LRRC4C: variants seen among roughly 807,000 people sequenced by gnomAD.
LRRC4C encodes leucine rich repeat containing 4C.
In LRRC4C, 5 loss-of-function variants were observed where a neutral mutation model predicts 33.6. That is an observed-to-expected ratio of 0.15 (90% CI 0.08 to 0.31). The LOEUF is 0.31. LRRC4C is among the 10% of genes least tolerant of loss of function. LRRC4C has a pLI of 1.00. For synonymous variants in LRRC4C, 329 were observed against 302.0 expected, an observed-to-expected ratio of 1.09 and a Z score of -0.93; for missense variants, 560 against 796.7, an observed-to-expected ratio of 0.70 and a Z score of 3.58.
chr11:40,194,063 C>A lies in LRRC4C; in HGVS notation c.-96+47456G>T, dbSNP rs377122692. ...ATATTATCCAGGAGCACTTCCCCTA[C>A]CTAGCAAGACAGGCCAACATTCAAA... On this transcript the variant is annotated intron_variant, in intron 5 of 6. Transcript: ENST00000528697. Among the ~76,000 whole-genome samples, 116 of 152,238 alleles carry A rather than the reference C, an allele frequency of 7.6e-4. No individual in the cohort carries two copies. The South Asian group carries it at 0.024, about 31-fold the overall frequency.
At chr11:40,550,803 G>A (rs1957100689) in intron 3 of LRRC4C, among the ~76,000 whole-genome samples, 1 of 121,046 alleles carries the variant, frequency 8.3e-6, no homozygotes. Context: ...TCTAAATTTT[G>A]GGTGGAAAAA....
intron 1 of LRRC4C, among the ~76,000 whole-genome samples, chr11:40,999,641 A>G (rs1242755202): frequency 2.6e-5 from 4 of 152,050 alleles, no homozygotes; most frequent in Non-Finnish European, 5.9e-5. Flanking sequence ...TTGCTACTCT[A>G]TATTCAGATC....
At chr11:40,505,407 T>C (rs1954983825) in intron 3 of LRRC4C, among the ~76,000 whole-genome samples, 1 of 152,184 alleles carries the variant, frequency 6.6e-6, no homozygotes, top group Non-Finnish European at 1.5e-5. Flanking sequence ...ACTGCCCTTT[T>C]CTGCTCAGGT....
At chr11:41,343,467 AATG>A (rs1463730332) in intron 1 of LRRC4C, among the ~76,000 whole-genome samples, 20 of 152,340 alleles carry the variant, frequency 1.3e-4, no homozygotes, top group African/African-American at 4.3e-4. Flanking sequence ...TGCATGCTGA[AATG>A]ATGAGTTTTA....
chr11:40,385,584 G>A (rs1186209418), intron 3 of LRRC4C, among the ~76,000 whole-genome samples: 1 of 152,048 alleles, frequency 6.6e-6, no homozygotes, highest in Non-Finnish European at 1.5e-5. Flanking sequence ...GCTACTTAGA[G>A]GCTGGGTGCG....
intron 6 of LRRC4C, among the ~76,000 whole-genome samples, chr11:40,121,041 A>G (rs1855785632): frequency 6.6e-6 from 1 of 152,220 alleles, no homozygotes; most frequent in Non-Finnish European, 1.5e-5. Flanking sequence ...TATTTAATGC[A>G]TATTAAAAAT....
chr11:40,353,400 T>C (rs1947507282), intron 3 of LRRC4C, among the ~76,000 whole-genome samples: 1 of 152,128 alleles, frequency 6.6e-6, no homozygotes, highest in Admixed American at 6.6e-5. Context: ...ATTTTTCAGG[T>C]CCAGAATTTC....
intron 1 of LRRC4C, among the ~76,000 whole-genome samples, chr11:41,004,473 A>G (rs1208385887): frequency 6.6e-6 from 1 of 152,226 alleles, no homozygotes; most frequent in Non-Finnish European, 1.5e-5. Context: ...AAAATGCATG[A>G]TTCCTAAAAT....
chr11:40,721,670 G>T (rs1357664363), intron 2 of LRRC4C, among the ~76,000 whole-genome samples: 10 of 152,374 alleles, frequency 6.6e-5, no homozygotes, highest in Admixed American at 3.9e-4. Context: ...GAATGATTGG[G>T]CTGGGCGTGG....
At chr11:40,912,456 A>C (rs1193286227) in intron 2 of LRRC4C, among the ~76,000 whole-genome samples, 1 of 152,294 alleles carries the variant, frequency 6.6e-6, no homozygotes, top group Admixed American at 6.5e-5. Flanking sequence ...AAGCTTCATA[A>C]CTGAAGGAGA....
chr11:40,240,718 A>T (rs1865874681), intron 5 of LRRC4C, among the ~76,000 whole-genome samples: 1 of 152,202 alleles, frequency 6.6e-6, no homozygotes, highest in African/African-American at 2.4e-5. Context: ...TCTGTCCTCT[A>T]CAGTATGACT....
chr11:40,799,169 C>T (rs1199871378), intron 2 of LRRC4C, among the ~76,000 whole-genome samples: 1 of 152,088 alleles, frequency 6.6e-6, no homozygotes, highest in East Asian at 1.9e-4. Flanking sequence ...GTTTTTACTT[C>T]ATCAGCCCCC....
chr11:40,709,376 A>C (rs1946344287), intron 2 of LRRC4C, among the ~76,000 whole-genome samples: 1 of 152,102 alleles, frequency 6.6e-6, no homozygotes, highest in South Asian at 2.1e-4. Context: ...TGCTTCCTTC[A>C]GGAGCTCTTG....
intron 1 of LRRC4C, among the ~76,000 whole-genome samples, chr11:41,040,932 G>C (rs1307777243): frequency 6.6e-6 from 1 of 152,068 alleles, no homozygotes; most frequent in East Asian, 1.9e-4. Context: ...GCATGCCTCA[G>C]AACAGTTCTA....
chr11:40,140,080 T>C (rs998949605), intron 6 of LRRC4C, among the ~76,000 whole-genome samples: 61 of 152,332 alleles, frequency 4.0e-4, no homozygotes, highest in African/African-American at 1.4e-3. Context: ...AGTTCCTGCC[T>C]TAATAATAAA....
intron 5 of LRRC4C, among the ~76,000 whole-genome samples, chr11:40,147,909 G>C (rs184015628): frequency 0.028 from 4,307 of 151,972 alleles, 65 homozygotes; most frequent in South Asian, 0.051. Context: ...CCCTCACCCT[G>C]ATAGGCCCCA....
At chr11:40,875,659 C>A (rs1011481899) in intron 2 of LRRC4C, among the ~76,000 whole-genome samples, 1 of 152,112 alleles carries the variant, frequency 6.6e-6, no homozygotes, top group Non-Finnish European at 1.5e-5. Flanking sequence ...TAGCTGTGTT[C>A]TAAAGTAATC....
intron 2 of LRRC4C, among the ~76,000 whole-genome samples, chr11:40,658,688 C>T (rs1043767899): frequency 6.6e-6 from 1 of 152,148 alleles, no homozygotes; most frequent in African/African-American, 2.4e-5. Context: ...GGTCCTTAAA[C>T]TGGTTGGTAT....
At chr11:40,129,952 A>C (rs1344748506) in intron 6 of LRRC4C, among the ~76,000 whole-genome samples, 2 of 152,024 alleles carry the variant, frequency 1.3e-5, no homozygotes, top group Non-Finnish European at 2.9e-5. Flanking sequence ...GCCTGTTTAC[A>C]CTCTCATGAT....
Sources: allele counts gnomAD v4.1 joint callset (sites outside exome capture counted in the v4.1 genomes callset), GRCh38; gene constraint gnomAD v4.1.1; transcripts MANE v1.5; gene names NCBI Gene and HGNC (gene_info 2026-07-23, HGNC 2026-07-21).